GPBP1: variants seen among roughly 807,000 people sequenced by gnomAD.
The protein encoded by GPBP1 is vasculin.
In GPBP1, 13 loss-of-function variants were observed where a neutral mutation model predicts 56.5. That is an observed-to-expected ratio of 0.23 (90% CI 0.15 to 0.37). GPBP1 has a LOEUF of 0.37. Among genes scored for constraint, GPBP1 ranks in the 10% least tolerant of loss-of-function variants. The pLI, the probability that GPBP1 is intolerant of heterozygous loss-of-function variation, is 1.00. For missense variants in GPBP1, 477 were observed against 572.3 expected (o/e 0.83, Z 1.70); for synonymous variants, 204 against 188.9 (o/e 1.08, Z -0.66).
At chr5:57,237,343 A>G (rs1369061046) in intron 6 of GPBP1, 5 of 620,078 alleles carry the variant, frequency 8.1e-6, no homozygotes, top group Non-Finnish European at 1.4e-5. Flanking sequence ...ATATAAAACT[A>G]TCTATAGATA....
chr5:57,229,534 C>T (rs889556339), intron 3 of GPBP1, among the ~76,000 whole-genome samples: 5 of 150,288 alleles, frequency 3.3e-5, no homozygotes, highest in African/African-American at 1.2e-4. Flanking sequence ...TTTCCCTTTC[C>T]TTTTCTTTTT....
intron 2 of GPBP1, among the ~76,000 whole-genome samples, chr5:57,198,273 G>C (rs1428064779): frequency 6.6e-6 from 1 of 152,124 alleles, no homozygotes; most frequent in Non-Finnish European, 1.5e-5. Context: ...AGTTTCATCA[G>C]TTATTATGCT....
chr5:57,212,082 G>A (rs549529427), intron 2 of GPBP1, among the ~76,000 whole-genome samples: 51 of 151,876 alleles, frequency 3.4e-4, no homozygotes, highest in Non-Finnish European at 5.7e-4. Context: ...GATTACAGGT[G>A]CCCACCACCG....
intron 10 of GPBP1, among the ~76,000 whole-genome samples, chr5:57,252,453 C>T (rs1008738871): frequency 2.6e-5 from 4 of 152,138 alleles, no homozygotes; most frequent in South Asian, 2.1e-4. Context: ...TGCAGTGGTG[C>T]GGTATTAGCT....
At chr5:57,221,346 A>G (rs551595104) in intron 3 of GPBP1, 124 of 1,506,050 alleles carry the variant, frequency 8.2e-5, no homozygotes, top group Admixed American at 3.7e-4. Flanking sequence ...AATAATGCCA[A>G]TTGTGACTGA....
At chr5:57,228,501 G>A (rs1271315434) in intron 3 of GPBP1, among the ~76,000 whole-genome samples, 1 of 152,046 alleles carries the variant, frequency 6.6e-6, no homozygotes, top group Non-Finnish European at 1.5e-5. Context: ...AAAGCTGGGT[G>A]CAGTGGTGCA....
intron 3 of GPBP1, among the ~76,000 whole-genome samples, chr5:57,227,627 C>G (rs1412218333): frequency 6.6e-6 from 1 of 152,182 alleles, no homozygotes. Context: ...GTTGATTTGC[C>G]AAACTCAGTG....
chr5:57,249,225 A>G, intron 8 of GPBP1, 184 bp from the exon 9 acceptor site: 2 of 466,656 alleles, frequency 4.3e-6, no homozygotes, highest in Non-Finnish European at 3.8e-6. Context: ...GGGATAAGAA[A>G]ATTATTTTGT....
At chr5:57,245,223 A>C (rs914800141) in intron 6 of GPBP1, among the ~76,000 whole-genome samples, 6 of 152,102 alleles carry the variant, frequency 3.9e-5, no homozygotes, top group African/African-American at 1.2e-4. Context: ...CATGTGTTTA[A>C]TTTTTGGAAA....
chr5:57,222,308 G>A (rs1183229254), intron 3 of GPBP1, among the ~76,000 whole-genome samples: 1 of 152,108 alleles, frequency 6.6e-6, no homozygotes, highest in Non-Finnish European at 1.5e-5. Flanking sequence ...TTACAGATGA[G>A]GGAACTCAGC....
intron 3 of GPBP1, among the ~76,000 whole-genome samples, chr5:57,229,962 C>T (rs1350599974): frequency 6.6e-6 from 1 of 150,494 alleles, no homozygotes; most frequent in Non-Finnish European, 1.5e-5. Context: ...CGTCCCGTCC[C>T]GTCCCGTCCC....
At chr5:57,254,381 T>G (rs531002712) in intron 10 of GPBP1, among the ~76,000 whole-genome samples, 1 of 152,332 alleles carries the variant, frequency 6.6e-6, no homozygotes, top group Admixed American at 6.5e-5. Flanking sequence ...CTGTAACTAT[T>G]GTATGTGAAT....
intron 11 of GPBP1, 143 bp downstream of exon 11, chr5:57,261,425 A>G (rs769241802): frequency 5.2e-6 from 3 of 575,924 alleles, no homozygotes; most frequent in East Asian, 3.0e-5. Flanking sequence ...AAGAGGGAGG[A>G]CAGGCTTTTG....
intron 2 of GPBP1, among the ~76,000 whole-genome samples, chr5:57,208,381 G>A (rs1204198192): frequency 4.0e-5 from 6 of 151,852 alleles, no homozygotes; most frequent in African/African-American, 9.7e-5. Flanking sequence ...CCACAGGTAC[G>A]AGCCACCATG....
intron 2 of GPBP1, among the ~76,000 whole-genome samples, chr5:57,188,711 C>CCTGGGCA: frequency 6.6e-6 from 1 of 152,320 alleles, no homozygotes; most frequent in Admixed American, 6.5e-5. Context: ...GCACTGCACT[C>CCTGGGCA]CAGCCTGGGC....
At chr5:57,214,696 C>T (rs1212161119) in intron 3 of GPBP1, among the ~76,000 whole-genome samples, 2 of 152,092 alleles carry the variant, frequency 1.3e-5, no homozygotes, top group Non-Finnish European at 2.9e-5. Flanking sequence ...TGCTCTGTCG[C>T]CTAGGCTGGA....
chr5:57,184,663 C>T (rs763025537), intron 2 of GPBP1, among the ~76,000 whole-genome samples: 4 of 152,184 alleles, frequency 2.6e-5, no homozygotes, highest in Non-Finnish European at 4.4e-5. Context: ...ATGGGACAGA[C>T]ATCCAAACTG....
chr5:57,182,043 G>T (rs139500798), intron 2 of GPBP1, among the ~76,000 whole-genome samples: 1 of 152,200 alleles, frequency 6.6e-6, no homozygotes, highest in East Asian at 1.9e-4. Flanking sequence ...TTCACAGCTT[G>T]GTGGGTGCAG....
chr5:57,221,123 T>G, intron 3 of GPBP1, among the ~76,000 whole-genome samples: 1 of 152,126 alleles, frequency 6.6e-6, no homozygotes, highest in East Asian at 1.9e-4. Context: ...GTGTAGAACT[T>G]TAGCCCCATC....
Sources: gnomAD v4.1 joint callset for allele counts (sites outside exome capture counted in the v4.1 genomes callset) on GRCh38, gnomAD v4.1.1 for gene constraint, MANE v1.5 for transcripts, NCBI Gene and HGNC (gene_info 2026-07-23, HGNC 2026-07-21) for gene names.